The following PA2G4 variants were observed in gnomAD, a reference collection of about 807,000 sequenced individuals.
PA2G4 encodes proliferation-associated 2G4.
PA2G4 carries 8 observed loss-of-function variants against 53.3 expected under a neutral mutation model. That is an observed-to-expected ratio of 0.15 (90% confidence interval 0.09 to 0.27). The LOEUF (loss-of-function observed/expected upper bound fraction) is 0.27. Ranked by LOEUF, PA2G4 falls within the 10% of genes least tolerant of loss-of-function variation. The pLI is 1.00. For synonymous variants in PA2G4, 143 were observed against 169.8 expected (o/e 0.84, Z 1.23); for missense variants, 208 against 486.8 (o/e 0.43, Z 5.39).
chr12:56,107,137 C>T, intron 3 of PA2G4, 42 bp downstream of exon 3: 1 of 1,601,026 alleles, frequency 6.2e-7, no homozygotes, highest in South Asian at 1.1e-5. Flanking sequence ...TTTTTTAAAG[C>T]ATTTACAAAA....
chr12:56,109,943 C>T lies in PA2G4; in HGVS notation c.629+8C>T. Reference sequence around the variant, plus strand: ...TCCCACAGACCAGCAGAAGTAGGTGCCAACCCTACTTATTACCTTCTACCA... The same window carrying T: ...TCCCACAGACCAGCAGAAGTAGGTGTCAACCCTACTTATTACCTTCTACCA... On this transcript the variant is annotated splice_region_variant and intron_variant, in intron 7 of 12. Coordinates refer to ENST00000303305, the MANE Select transcript of PA2G4 (RefSeq NM_006191.3). 1 of 1,594,548 alleles carries T rather than the reference C, an allele frequency of 6.3e-7. No individual in the cohort carries two copies. The highest frequency in any genetic ancestry group is 8.6e-7 in the Non-Finnish European group (1 of 1,162,118).
At chr12:56,109,983 T>G (rs1292052003) in intron 7 of PA2G4, 48 bp downstream of exon 7, 1 of 1,352,464 alleles carries the variant, frequency 7.4e-7, no homozygotes, top group East Asian at 2.3e-5. Context: ...AGACTAGTCA[T>G]CAGGTTTTTT....
rs1399297487 is a variant in PA2G4 at position 56,107,523 on chromosome 12, G to T, written c.396G>T (p.Gly132=). The change falls in exon 5 of 13, where the codon GGG becomes GGT. Residue 132 remains glycine, a splice_region_variant and synonymous_variant. Coordinates refer to ENST00000303305, the MANE Select transcript of PA2G4 (RefSeq NM_006191.3). ...TGATTGCATGTCCTTATCTACAGGG[G>T]ACCCAAGTAACAGGGAGGAAAGCAG... ...AHTFVVDVAQ[G]TQVTGRKADV... is the part of the protein sequence containing the mutation. 1 of 1,610,822 alleles carries T rather than the reference G, an allele frequency of 6.2e-7. No homozygotes were observed. Among genetic ancestry groups the T allele is most frequent in the African/African-American group, 1.3e-5 (1 of 74,958 alleles).
intron 4 of PA2G4, 61 bp downstream of exon 4, chr12:56,107,317 G>C: frequency 7.5e-7 from 1 of 1,328,030 alleles, no homozygotes; most frequent in Non-Finnish European, 1.1e-6. Context: ...ACTGCCATTT[G>C]CTTCTTATCC....
At chr12:56,109,608 G>A (rs1160808284) in intron 6 of PA2G4, among the ~76,000 whole-genome samples, 21 of 132,268 alleles carry the variant, frequency 1.6e-4, no homozygotes, top group Admixed American at 1.5e-3. Context: ...CAATAAGAGC[G>A]AAACTCCATC....
At chr12:56,110,211 T>A (rs544688493) in intron 7 of PA2G4, among the ~76,000 whole-genome samples, 188 bp from the exon 8 acceptor site, 2 of 152,036 alleles carry the variant, frequency 1.3e-5, no homozygotes, top group South Asian at 4.2e-4. Context: ...ACTACAAAAA[T>A]GAGCCAGGCC....
At chr12:56,105,183 A>C (rs1869271400) in intron 1 of PA2G4, 3 of 507,238 alleles carry the variant, frequency 5.9e-6, no homozygotes, top group South Asian at 4.6e-5. Flanking sequence ...CACCTCGAAA[A>C]GGAAGCGCCC....
chr12:56,112,794 T>TCTTC (rs1226065026), intron 12 of PA2G4, 29 bp from the exon 13 acceptor site: 65 of 1,470,898 alleles, frequency 4.4e-5, no homozygotes, highest in Non-Finnish European at 5.9e-5. Context: ...AACTGACAGG[T>TCTTC]CTTCTCCCTC....
In PA2G4 at chr12:56,104,618, G is replaced by A; in HGVS notation, c.-120G>A. ...CCTGCCCGCTCCCTTGCTTGCTCGC[G>A]CTTTCGCTCGCCCTCTCCTCGAGGA... On this transcript the variant is annotated 5_prime_UTR_variant, in exon 1 of 13. Transcript: ENST00000303305. The A allele has an allele frequency of 6.0e-6, 6 of 992,908 alleles. No individual in the cohort carries two copies. Among genetic ancestry groups the A allele is most frequent in the Non-Finnish European group, 9.8e-6 (6 of 613,012 alleles). 61.5% of individuals were successfully genotyped at this position (992,908 alleles called of 1,614,324 possible).
chr12:56,111,614 AT>A, intron 12 of PA2G4, 85 bp downstream of exon 12: 1 of 1,175,206 alleles, frequency 8.5e-7, no homozygotes, highest in Non-Finnish European at 1.3e-6. Context: ...TGAAATACGG[AT>A]TTTTATACAG....
rs911931606 is a variant in PA2G4, at chr12:56,111,855, G to A, written c.1119+326G>A. 2.6e-5 allele frequency among the ~76,000 whole-genome samples: 4 copies of A among 151,042 alleles called. No individual in the cohort carries two copies. In the East Asian group the frequency reaches 8.1e-4, roughly 30 times the overall value. On this transcript the variant is annotated intron_variant, in intron 12 of 12. Transcript: ENST00000303305. ...TGGCCGGGCACAGTGGCTCATGCCT[G>A]TAATCCCAGCACTTTGGGAGGCTAA...
chr12:56,104,654 T>C lies in PA2G4; in HGVS notation c.-84T>C. 1 of 1,291,708 alleles carries C rather than the reference T, an allele frequency of 7.7e-7. No individual in the cohort carries two copies. Among genetic ancestry groups the C allele is most frequent in the South Asian group, 1.2e-5 (1 of 84,572 alleles). 80.0% of individuals were successfully genotyped at this position (1,291,708 alleles called of 1,614,324 possible). A position where few individuals can be genotyped will look rare whatever the true frequency, so the allele number is the denominator to read the frequency against. ...CCCTCTCCTCGAGGATCGAGGGGAC[T>C]CTGACCACAGCCTGTGGCTGGGAAG... On this transcript the variant is annotated 5_prime_UTR_variant, in exon 1 of 13. Transcript: ENST00000303305.
chr12:56,111,082 T>C, intron 10 of PA2G4, 24 bp downstream of exon 10: 1 of 1,613,314 alleles, frequency 6.2e-7, no homozygotes, highest in Non-Finnish European at 8.5e-7. Flanking sequence ...AGAGCTTCAC[T>C]TTGGATTCCC....
At chr12:56,105,081 G>A (rs532557477) in intron 1 of PA2G4, 1 of 691,568 alleles carries the variant, frequency 1.4e-6, no homozygotes, top group African/African-American at 1.7e-5. Context: ...GCTCCGACCC[G>A]AGGCCGTTTG....
intron 6 of PA2G4, 112 bp from the exon 7 acceptor site, chr12:56,109,745 A>G (rs539455958): frequency 2.7e-6 from 2 of 743,560 alleles, no homozygotes; most frequent in South Asian, 1.5e-5. Flanking sequence ...CTGTGTTTCC[A>G]TAACCAGGTA....
intron 7 of PA2G4, 149 bp from the exon 8 acceptor site, chr12:56,110,250 C>G (rs1565864760): frequency 1.6e-6 from 1 of 623,224 alleles, no homozygotes; most frequent in East Asian, 2.8e-5. Flanking sequence ...GTCCCAGCTA[C>G]TTGGGAGGCT....
chr12:56,104,743 GGGC>G lies in PA2G4; in HGVS notation c.8_10del (p.Gly3del). The G allele has an allele frequency of 6.2e-7, 1 of 1,613,838 alleles. No homozygotes were observed. The highest frequency in any genetic ancestry group is 8.5e-7 in the Non-Finnish European group (1 of 1,179,916). On this transcript the variant is annotated inframe_deletion, in exon 1 of 13. Transcript: ENST00000303305. ...GCAGTGGTGGTAGTAGGAAGATGTC[GGGC>G]GAGGACGAGCAACAGGAGCAAACTA...
At chr12:56,111,386 C>G in intron 11 of PA2G4, 77 bp downstream of exon 11, 1 of 1,602,934 alleles carries the variant, frequency 6.2e-7, no homozygotes, top group Non-Finnish European at 8.5e-7. Context: ...CAGCAAAGTC[C>G]TGAAAAGAGC....
chr12:56,110,825 C>T (rs902473921), intron 9 of PA2G4, 133 bp downstream of exon 9: 59 of 1,317,814 alleles, frequency 4.5e-5, no homozygotes, highest in Non-Finnish European at 6.1e-5. Flanking sequence ...TCCCCATCTC[C>T]TTCTCATTGA....
Sources: allele counts gnomAD v4.1 joint callset (sites outside exome capture counted in the v4.1 genomes callset), GRCh38; gene constraint gnomAD v4.1.1; transcripts MANE v1.5; gene names NCBI Gene and HGNC (gene_info 2026-07-23, HGNC 2026-07-21).